The following FNBP1L variants were observed in gnomAD, a reference collection of about 807,000 sequenced individuals.
FNBP1L encodes the protein formin-binding protein 1-like.
In FNBP1L, 36 loss-of-function variants were observed where a neutral mutation model predicts 91.2. The observed-to-expected ratio is 0.39, with a 90% CI of 0.30 to 0.52. The LOEUF is 0.52. Ranked by LOEUF, FNBP1L falls within the 20% of genes least tolerant of loss-of-function variation. FNBP1L has a pLI of 0.66. For missense variants in FNBP1L, 571 were observed against 732.1 expected (o/e 0.78, Z 2.54); for synonymous variants, 242 against 237.0 (o/e 1.02, Z -0.19).
intron 2 of FNBP1L, among the ~76,000 whole-genome samples, chr1:93,510,961 G>A (rs971415165): frequency 2.6e-5 from 4 of 152,122 alleles, no homozygotes; most frequent in Non-Finnish European, 5.9e-5. Flanking sequence ...TATGTGAAAA[G>A]ACCAAATCTA....
intron 1 of FNBP1L, among the ~76,000 whole-genome samples, chr1:93,471,175 CT>C (rs1424989860): frequency 1.3e-5 from 2 of 151,908 alleles, no homozygotes; most frequent in East Asian, 3.9e-4. Context: ...TTTTGGAATA[CT>C]TTCATTTTAT....
chr1:93,539,206 C>T (rs1671944801), intron 10 of FNBP1L, among the ~76,000 whole-genome samples: 2 of 151,900 alleles, frequency 1.3e-5, no homozygotes, highest in South Asian at 4.1e-4. Context: ...TTTATCTCTC[C>T]AGAGTAGTTC....
At chr1:93,496,252 T>C (rs1570802936) in intron 1 of FNBP1L, among the ~76,000 whole-genome samples, 1 of 146,082 alleles carries the variant, frequency 6.8e-6, no homozygotes, top group African/African-American at 2.5e-5. Context: ...CCCTTCCTTC[T>C]CCTCTTTTTC....
intron 8 of FNBP1L, 64 bp from the exon 9 acceptor site, chr1:93,534,641 A>G: frequency 9.1e-7 from 1 of 1,096,590 alleles, no homozygotes; most frequent in Non-Finnish European, 1.3e-6. Context: ...TGAAAAAGTT[A>G]TGAAAGCTGA....
At position 93,516,312 on chromosome 1, in the gene FNBP1L, T is replaced by A. The variant is rs183613407; in HGVS notation, c.141-5770T>A. Among the ~76,000 whole-genome samples the A allele has an allele frequency of 1.9e-3, 289 of 152,276 alleles. 2 individuals are homozygous for A. The highest frequency in any genetic ancestry group is 6.7e-3 in the African/African-American group (278 of 41,544). ...CGGATTTGAACCGGGGACCTCTTGA[T>A]CTGCAGTCAAATGCTCTACCACCTG... is the stretch of plus-strand genomic sequence containing the variant. On this transcript the variant is annotated intron_variant, in intron 2 of 16. Coordinates refer to ENST00000271234, the MANE Select transcript of FNBP1L (RefSeq NM_001164473.3).
At chr1:93,474,954 A>C (rs969743513) in intron 1 of FNBP1L, among the ~76,000 whole-genome samples, 16 of 152,218 alleles carry the variant, frequency 1.1e-4, no homozygotes, top group Non-Finnish European at 2.2e-4. Context: ...GGAGAAATAA[A>C]AGTGATAACA....
At chr1:93,542,731 A>C (rs930763044) in intron 11 of FNBP1L, among the ~76,000 whole-genome samples, 1 of 149,300 alleles carries the variant, frequency 6.7e-6, no homozygotes, top group African/African-American at 2.5e-5. Flanking sequence ...TTTTAGCATC[A>C]CTTTAACAAA....
At position 93,551,010 on chromosome 1, in the gene FNBP1L, A is replaced by G. The variant is rs1232274108; in HGVS notation, c.1715A>G (p.Lys572Arg). ...GEVLYIIEED[K>R]GDGWTRARRQ... ...GTTCTCTACATTATAGAGGAGGACA[A>G]AGGTGACGGATGGACAAGAGCTCGG... The change falls in exon 16 of 17, where the codon AAA becomes AGA. Residue 572 changes from lysine to arginine, a missense_variant. By Grantham distance (26) the Lys-to-Arg change is conservative (BLOSUM62 2). Coordinates refer to ENST00000271234, the MANE Select transcript of FNBP1L (RefSeq NM_001164473.3). 1.9e-6 allele frequency: 3 copies of G among 1,612,934 alleles called. No individual in the cohort carries two copies. The highest frequency in any genetic ancestry group is 2.2e-5 in the South Asian group (2 of 90,900).
intron 10 of FNBP1L, among the ~76,000 whole-genome samples, chr1:93,539,153 A>G (rs1181758786): frequency 6.6e-6 from 1 of 152,000 alleles, no homozygotes; most frequent in Admixed American, 6.6e-5. Flanking sequence ...TTCTCTCTGA[A>G]TATTTATGAC....
At chr1:93,479,061 G>A (rs1669597604) in intron 1 of FNBP1L, among the ~76,000 whole-genome samples, 1 of 152,146 alleles carries the variant, frequency 6.6e-6, no homozygotes, top group Non-Finnish European at 1.5e-5. Flanking sequence ...TTCAACGTAG[G>A]TTCTTTCTAT....
At chr1:93,492,846 T>C (rs1670140584) in intron 1 of FNBP1L, among the ~76,000 whole-genome samples, 1 of 152,112 alleles carries the variant, frequency 6.6e-6, no homozygotes, top group Non-Finnish European at 1.5e-5. Context: ...TATTTTAATG[T>C]GAATATAGGC....
Position 93,536,413 on chromosome 1 carries a change from G to A in FNBP1L, c.1072G>A (p.Glu358Lys). Reference sequence around the variant, plus strand: ...GTCCCAGTTTCTCACATTCTCCATTGAGCCCGTGCATTATTGTATGAATGA... The same window carrying A: ...GTCCCAGTTTCTCACATTCTCCATTAAGCCCGTGCATTATTGTATGAATGA... ...NGSQFLTFSI[E>K]PVHYCMNEIK... Residue 358 changes from glutamate (E) to lysine (K), a missense_variant, in exon 10 of 17, where the codon GAG becomes AAG. Coordinates refer to ENST00000271234, the MANE Select transcript of FNBP1L (RefSeq NM_001164473.3). 6.4e-7 allele frequency: 1 copy of A among 1,550,624 alleles called. No individual in the cohort carries two copies. The highest frequency in any genetic ancestry group is 8.7e-7 in the Non-Finnish European group (1 of 1,146,354).
rs560685325 is a variant in FNBP1L, at chr1:93,510,880, C to T, written c.141-11202C>T. ...GCGATGGAAGATGAAATGAATGAAA[C>T]GAAGCGAGAAGGGAAGTTTAGAGAA... On this transcript the variant is annotated intron_variant, in intron 2 of 16. Coordinates refer to ENST00000271234, the MANE Select transcript of FNBP1L (RefSeq NM_001164473.3). Among the ~76,000 whole-genome samples, 48 of 151,912 alleles carry T rather than the reference C, an allele frequency of 3.2e-4. 2 individuals are homozygous for T. In the South Asian group the frequency reaches 9.2e-3, roughly 29 times the overall value.
intron 2 of FNBP1L, among the ~76,000 whole-genome samples, chr1:93,510,135 C>T (rs1253361819): frequency 6.6e-6 from 1 of 152,234 alleles, no homozygotes; most frequent in Non-Finnish European, 1.5e-5. Context: ...CTGCCTGCCT[C>T]TGTAGGCTCC....
intron 1 of FNBP1L, among the ~76,000 whole-genome samples, chr1:93,486,637 A>G (rs527729786): frequency 1.3e-5 from 2 of 152,290 alleles, no homozygotes; most frequent in South Asian, 2.1e-4. Context: ...GTAAATCTCA[A>G]CTATTGACCT....
intron 5 of FNBP1L, among the ~76,000 whole-genome samples, chr1:93,527,864 ATACT>A (rs1402978659): frequency 6.6e-6 from 1 of 152,154 alleles, no homozygotes; most frequent in Admixed American, 6.5e-5. Context: ...AACAAGGAAA[ATACT>A]TACAGCTGTT....
chr1:93,487,018 C>T (rs1669934216), intron 1 of FNBP1L, among the ~76,000 whole-genome samples: 1 of 152,150 alleles, frequency 6.6e-6, no homozygotes, highest in Non-Finnish European at 1.5e-5. Context: ...CTGTCTTCAA[C>T]TTCTATCTAA....
chr1:93,486,970 T>C (rs1669932998), intron 1 of FNBP1L, among the ~76,000 whole-genome samples: 1 of 152,202 alleles, frequency 6.6e-6, no homozygotes. Flanking sequence ...CTTTCTCTCC[T>C]TTCAAGCAAA....
intron 1 of FNBP1L, among the ~76,000 whole-genome samples, chr1:93,453,739 A>G (rs185237783): frequency 1.3e-3 from 191 of 152,352 alleles, no homozygotes; most frequent in African/African-American, 4.5e-3. Flanking sequence ...AGAATGTGAA[A>G]GCCGTTCCAT....
Sources: allele counts gnomAD v4.1 joint callset (sites outside exome capture counted in the v4.1 genomes callset), GRCh38; gene constraint gnomAD v4.1.1; transcripts MANE v1.5; gene names NCBI Gene and HGNC (gene_info 2026-07-23, HGNC 2026-07-21).